Variants in BABAM2 observed in about 807,000 individuals in gnomAD.
BABAM2 encodes BRISC and BRCA1-A complex member 2.
Under a neutral mutation model 54.7 loss-of-function variants are expected in BABAM2, and 31 were observed. The observed-to-expected ratio is 0.57, with a 90% CI of 0.43 to 0.77. The LOEUF is 0.77. Ranked by LOEUF, BABAM2 falls within the 30% of genes least tolerant of loss-of-function variation. The pLI is 0.00. For missense variants in BABAM2, 364 were observed against 455.8 expected (o/e 0.80, Z 1.83); for synonymous variants, 167 against 162.9 (o/e 1.03, Z -0.19).
intron 6 of BABAM2, among the ~76,000 whole-genome samples, chr2:28,091,974 G>A (rs1666193639): frequency 6.6e-6 from 1 of 151,908 alleles, no homozygotes; most frequent in Non-Finnish European, 1.5e-5. Context: ...GTTGTTATGA[G>A]GTAAGAATAA....
chr2:28,172,007 T>C (rs1050806742), intron 7 of BABAM2, among the ~76,000 whole-genome samples: 1 of 152,152 alleles, frequency 6.6e-6, no homozygotes, highest in Non-Finnish European at 1.5e-5. Context: ...TAAAAGGGAA[T>C]GGAAGCCAAA....
chr2:28,092,094 A>T (rs1558327124), intron 6 of BABAM2, among the ~76,000 whole-genome samples: 1 of 152,194 alleles, frequency 6.6e-6, no homozygotes, highest in Non-Finnish European at 1.5e-5. Flanking sequence ...TTAGAAAAAC[A>T]CTAGAAAACA....
At chr2:28,039,402 T>C (rs1057247885) in intron 5 of BABAM2, among the ~76,000 whole-genome samples, 9 of 152,268 alleles carry the variant, frequency 5.9e-5, no homozygotes, top group Non-Finnish European at 1.2e-4. Context: ...ACTTTGACTT[T>C]CCTTTTCACA....
At chr2:28,267,366 A>G (rs72784791) in intron 10 of BABAM2, among the ~76,000 whole-genome samples, 17,430 of 151,718 alleles carry the variant, frequency 0.11, 1,127 homozygotes, top group Middle Eastern at 0.17. Context: ...ACTCCCCCAT[A>G]AATGCAGGAG....
intron 11 of BABAM2, among the ~76,000 whole-genome samples, chr2:28,310,987 C>T (rs545311361): frequency 2.8e-4 from 42 of 152,006 alleles, no homozygotes; most frequent in Middle Eastern, 6.8e-3. Context: ...GTGGGCTGGG[C>T]GCGGTGGCTC....
intron 6 of BABAM2, among the ~76,000 whole-genome samples, chr2:28,058,374 A>T (rs1444757409): frequency 6.6e-6 from 1 of 152,046 alleles, no homozygotes; most frequent in Non-Finnish European, 1.5e-5. Context: ...TTGGGATTGT[A>T]TTTAGGAATA....
intron 10 of BABAM2, among the ~76,000 whole-genome samples, chr2:28,247,849 C>T (rs998559014): frequency 2.0e-5 from 3 of 152,196 alleles, no homozygotes; most frequent in African/African-American, 7.2e-5. Context: ...TTTGAAAAAG[C>T]AGATTGCCTT....
intron 10 of BABAM2, among the ~76,000 whole-genome samples, chr2:28,283,252 G>A (rs1573995022): frequency 6.6e-6 from 1 of 152,294 alleles, no homozygotes; most frequent in East Asian, 1.9e-4. Context: ...AGTTGAGGCA[G>A]TTCACCACTC....
intron 6 of BABAM2, among the ~76,000 whole-genome samples, chr2:28,102,346 G>A (rs895642817): frequency 6.6e-6 from 1 of 152,120 alleles, no homozygotes. Flanking sequence ...CCACTGAACC[G>A]ACTGCAATTT....
chr2:28,214,199 G>A (rs753074336), intron 7 of BABAM2, among the ~76,000 whole-genome samples: 1 of 152,080 alleles, frequency 6.6e-6, no homozygotes, highest in Non-Finnish European at 1.5e-5. Context: ...GTGTAGCTTA[G>A]TGCAATTTAA....
chr2:28,327,703 G>T (rs540911504), intron 11 of BABAM2, among the ~76,000 whole-genome samples: 26 of 152,290 alleles, frequency 1.7e-4, no homozygotes, highest in African/African-American at 6.0e-4. Context: ...TGGAGGCCCG[G>T]CATGCTGTGG....
chr2:28,153,338 C>G (rs1672237037), intron 7 of BABAM2, among the ~76,000 whole-genome samples: 1 of 152,138 alleles, frequency 6.6e-6, no homozygotes, highest in Non-Finnish European at 1.5e-5. Flanking sequence ...TGTATAACAA[C>G]CACTTTTGCT....
rs564217775 is a variant in BABAM2 at position 28,192,583 on chromosome 2, G to A, written c.681-44619G>A. On this transcript the variant is annotated intron_variant, in intron 7 of 11. Coordinates refer to ENST00000379624, the MANE Select transcript of BABAM2 (RefSeq NM_199191.3). ...GTCACTCAGGCTGGAATGCAATGGC[G>A]TGATCTTGGCTCACTGCAACCTCTG... Among the ~76,000 whole-genome samples, 14 of 142,682 alleles carry A rather than the reference G, an allele frequency of 9.8e-5. No homozygotes were observed. In the South Asian group the frequency reaches 2.5e-3, roughly 25 times the overall value. 93.6% of individuals were successfully genotyped at this position (142,682 alleles called of 152,430 possible).
intron 10 of BABAM2, among the ~76,000 whole-genome samples, chr2:28,291,249 A>G (rs945882406): frequency 6.6e-6 from 1 of 152,204 alleles, no homozygotes; most frequent in Non-Finnish European, 1.5e-5. Flanking sequence ...ATTTTTTAGC[A>G]TATGTGGAAA....
At chr2:28,324,832 T>G (rs1368115582) in intron 11 of BABAM2, among the ~76,000 whole-genome samples, 2 of 152,080 alleles carry the variant, frequency 1.3e-5, no homozygotes, top group Non-Finnish European at 2.9e-5. Flanking sequence ...GAAAACTTAC[T>G]TTCCATCTCT....
intron 6 of BABAM2, among the ~76,000 whole-genome samples, chr2:28,074,639 G>C (rs746847618): frequency 1.3e-5 from 2 of 152,012 alleles, no homozygotes; most frequent in African/African-American, 2.4e-5. Context: ...ATTTTCAGTG[G>C]ACTGATTTCC....
intron 10 of BABAM2, among the ~76,000 whole-genome samples, chr2:28,291,854 C>T (rs2148224295): frequency 6.6e-6 from 1 of 152,312 alleles, no homozygotes; most frequent in East Asian, 1.9e-4. Flanking sequence ...CCACATGTCT[C>T]AAAGGTTTAG....
chr2:28,231,348 G>A (rs1236912805), intron 7 of BABAM2, among the ~76,000 whole-genome samples: 2 of 152,166 alleles, frequency 1.3e-5, no homozygotes, highest in East Asian at 3.8e-4. Context: ...TACTTTGGAA[G>A]GACTTATCGT....
At chr2:28,015,830 T>C in intron 4 of BABAM2, 2 of 893,878 alleles carry the variant, frequency 2.2e-6, no homozygotes, top group Non-Finnish European at 3.2e-6. Flanking sequence ...GTTTTGTTTT[T>C]TTCTGTTGCT....
Sources: allele counts gnomAD v4.1 joint callset (sites outside exome capture counted in the v4.1 genomes callset), GRCh38; gene constraint gnomAD v4.1.1; transcripts MANE v1.5; gene names NCBI Gene and HGNC (gene_info 2026-07-23, HGNC 2026-07-21).